Variants in MYH13 observed in about 807,000 individuals in gnomAD.
The protein encoded by MYH13 is myosin heavy chain 13, also known as myosin-13.
In MYH13, 177 loss-of-function variants were observed where a neutral mutation model predicts 232.1. The observed-to-expected ratio is 0.76, with a 90% CI of 0.67 to 0.86. The LOEUF is 0.86. Among genes scored for constraint, MYH13 ranks in the 40% least tolerant of loss-of-function variants. The pLI, the probability that MYH13 is intolerant of heterozygous loss-of-function variation, is 0.00. For synonymous variants in MYH13, 884 were observed against 923.5 expected (o/e 0.96, Z 0.78); for missense variants, 2,246 against 2,405.9 (o/e 0.93, Z 1.39).
In MYH13 at chr17:10,315,718, T is replaced by A. The variant is rs747038495; in HGVS notation, c.3959A>T (p.Lys1320Met). ...CTTGGTTTCTTCTTCCATTTGCCTC[T>A]TAAGCTCCTCCAGCTGCTGGGTGAG... ...QALTQQLEELKRQMEEETKAK... is the reference protein window; with the variant it reads ...QALTQQLEELMRQMEEETKAK... The change falls in exon 29 of 41, where the codon AAG (lysine) becomes ATG (methionine). Residue 1320 changes from lysine to methionine, a missense_variant. Transcript: ENST00000252172. 6.2e-7 allele frequency: 1 copy of A among 1,614,032 alleles called. No homozygotes were observed. Among genetic ancestry groups the A allele is most frequent in the South Asian group, 1.1e-5 (1 of 91,080 alleles).
intron 18 of MYH13, among the ~76,000 whole-genome samples, chr17:10,334,444 T>C (rs1907519180): frequency 6.6e-6 from 1 of 152,218 alleles, no homozygotes. Context: ...AAACTTTTCA[T>C]GTAAATGTAA....
At chr17:10,314,657 A>G (rs184338553) in intron 29 of MYH13, among the ~76,000 whole-genome samples, 48 of 152,306 alleles carry the variant, frequency 3.2e-4, no homozygotes, top group African/African-American at 1.1e-3. Context: ...GAGCTTGGGA[A>G]AATTCCAAAA....
At chr17:10,330,976 C>T (rs1907390698) in intron 20 of MYH13, among the ~76,000 whole-genome samples, 1 of 152,008 alleles carries the variant, frequency 6.6e-6, no homozygotes, top group South Asian at 2.1e-4. Flanking sequence ...GAGATTGCAC[C>T]ATTGCACTCC....
intron 26 of MYH13, among the ~76,000 whole-genome samples, 152 bp downstream of exon 26, chr17:10,320,001 T>C (rs572912734): frequency 6.6e-6 from 1 of 152,290 alleles, no homozygotes; most frequent in Admixed American, 6.5e-5. Context: ...CATTAAAATA[T>C]TATTTTCAAA....
chr17:10,322,202 C>T (rs372183611), intron 23 of MYH13, among the ~76,000 whole-genome samples: 6 of 151,098 alleles, frequency 4.0e-5, no homozygotes, highest in African/African-American at 9.7e-5. Flanking sequence ...ACCATCCTGA[C>T]TAACATCGTG....
chr17:10,340,211 G>A lies in MYH13; in HGVS notation c.1995C>T (p.Asn665=). 5 of 1,614,030 alleles carry A rather than the reference G, an allele frequency of 3.1e-6. No individual in the cohort carries two copies. Among genetic ancestry groups the A allele is most frequent in the Non-Finnish European group, 4.2e-6 (5 of 1,179,938 alleles). The change falls in exon 18 of 41, where the codon AAC becomes AAT. Residue 665 remains asparagine, a synonymous_variant. Transcript: ENST00000252172. ...FRENLNKLMT[N]LRSTHPHFVR... is the part of the protein sequence containing the mutation. ...CAAAGTGAGGGTGGGTGCTCCTTAA[G>A]TTAGTCATCAATTTGTTTAAATTTT...
In MYH13 at chr17:10,319,209, T is replaced by C. The variant is rs764850461; in HGVS notation, c.3349-30A>G. The C allele has an allele frequency of 5.6e-6, 9 of 1,596,608 alleles. No homozygotes were observed. In the Admixed American group the frequency reaches 1.0e-4, roughly 18 times the overall value. The stretch of plus-strand genomic sequence containing the variant: ...AAGGATTACTCTATCAGGAATGTTA[T>C]TGTGGAGGAGGGGGCAGCCCCCTTT... On this transcript the variant is annotated intron_variant, in intron 26 of 40. Transcript: ENST00000252172.
At position 10,307,203 on chromosome 17, in the gene MYH13, A is replaced by C. The variant is rs1347523947; in HGVS notation, c.5170-139T>G. 8.7e-6 allele frequency: 9 copies of C among 1,033,406 alleles called. No individual in the cohort carries two copies. The Admixed American group carries it at 2.7e-4, about 31-fold the overall frequency. 64.0% of individuals were successfully genotyped at this position (1,033,406 alleles called of 1,614,324 possible). A position where few individuals can be genotyped will look rare whatever the true frequency, so the allele number is the denominator to read the frequency against. ...TTCACATGGGTGACCTGCTGGGTAC[A>C]GTACTGTACATTCTTTCTTTATTCT... is the stretch of plus-strand genomic sequence containing the variant. On this transcript the variant is annotated intron_variant, in intron 35 of 40. Coordinates refer to ENST00000252172, the MANE Select transcript of MYH13 (RefSeq NM_003802.3).
At chr17:10,342,597 A>G (rs1410320134) in intron 16 of MYH13, among the ~76,000 whole-genome samples, 1 of 152,216 alleles carries the variant, frequency 6.6e-6, no homozygotes, top group East Asian at 1.9e-4. Flanking sequence ...ATATTCATAC[A>G]ATGAACTATT....
At chr17:10,335,066 A>G (rs1293717380) in intron 18 of MYH13, among the ~76,000 whole-genome samples, 3 of 152,072 alleles carry the variant, frequency 2.0e-5, no homozygotes, top group Admixed American at 1.3e-4. Flanking sequence ...CAATTTCTTT[A>G]TTTGTAAAAT....
intron 29 of MYH13, among the ~76,000 whole-genome samples, chr17:10,315,020 TC>T (rs1906650327): frequency 6.6e-6 from 1 of 152,010 alleles, no homozygotes; most frequent in Admixed American, 6.6e-5. Flanking sequence ...AGGTGACACA[TC>T]AGGAATAATG....
chr17:10,318,239 G>A (rs1339577869), intron 27 of MYH13, among the ~76,000 whole-genome samples: 1 of 152,194 alleles, frequency 6.6e-6, no homozygotes, highest in East Asian at 1.9e-4. Flanking sequence ...CGAAACAGTG[G>A]TGCCAGATCA....
rs1361418395 is a variant in MYH13, at chr17:10,362,460, G to A, written c.248C>T (p.Pro83Leu). Reference sequence around the variant, plus strand: ...CATGTCCTCGATCTTGTCAAATTTGGGAGGGTTCATGGGGAAGACCTGGTC... The same window carrying A: ...CATGTCCTCGATCTTGTCAAATTTGAGAGGGTTCATGGGGAAGACCTGGTC... The part of the protein sequence containing the change: ...NNDQVFPMNP[P>L]KFDKIEDMAM... Residue 83 changes from proline to leucine, a missense_variant, in exon 4 of 41, where the codon CCC becomes CTC. Physicochemically the swap from Pro to Leu is moderately conservative, Grantham distance 98. Transcript: ENST00000252172. The A allele has an allele frequency of 4.3e-6, 7 of 1,614,140 alleles. No homozygotes were observed. Among genetic ancestry groups the A allele is most frequent in the Non-Finnish European group, 5.9e-6 (7 of 1,180,030 alleles).
At chr17:10,303,340 C>A in intron 38 of MYH13, 49 bp from the exon 39 acceptor site, 1 of 1,612,744 alleles carries the variant, frequency 6.2e-7, no homozygotes, top group Non-Finnish European at 8.5e-7. Context: ...ATGGTCACTT[C>A]TGATGGGGCT....
At chr17:10,357,639 C>A (rs1047850961) in intron 8 of MYH13, 96 bp downstream of exon 8, 3 of 1,072,872 alleles carry the variant, frequency 2.8e-6, no homozygotes, top group Non-Finnish European at 4.2e-6. Context: ...AAAAAGGCCC[C>A]CATATATTCC....
chr17:10,305,643 C>A (rs1045402272), intron 37 of MYH13, among the ~76,000 whole-genome samples: 1 of 152,134 alleles, frequency 6.6e-6, no homozygotes, highest in Non-Finnish European at 1.5e-5. Context: ...AAGAGACATT[C>A]GAACAGCCTC....
chr17:10,354,492 C>G (rs2071733318), intron 11 of MYH13, among the ~76,000 whole-genome samples, 188 bp downstream of exon 11: 1 of 152,136 alleles, frequency 6.6e-6, no homozygotes, highest in African/African-American at 2.4e-5. Context: ...TTTTGGAATG[C>G]TGTGAGGTGG....
rs984547873 is a variant in MYH13, at chr17:10,333,169, G to A, written c.2079C>T (p.Val693=). Residue 693 remains valine, a synonymous_variant, in exon 19 of 41, where the codon GTC becomes GTT. Transcript: ENST00000252172. ...CCCCGTTACAGCGCAGCTGGTGCAT[G>A]ACCAAGTAGTGGTCCATCACACCTG... is the stretch of plus-strand genomic sequence containing the variant. ...KTPGVMDHYL[V]MHQLRCNGVL... The A allele has an allele frequency of 1.0e-5, 16 of 1,551,162 alleles. No homozygotes were observed. In the Admixed American group the frequency reaches 2.5e-4, roughly 25 times the overall value.
intron 27 of MYH13, 138 bp downstream of exon 27, chr17:10,318,652 T>A: frequency 8.6e-7 from 1 of 1,167,994 alleles, no homozygotes. Flanking sequence ...TTTGAGGAAC[T>A]AGAAACAGGC....
Sources: allele counts gnomAD v4.1 joint callset (sites outside exome capture counted in the v4.1 genomes callset), GRCh38; gene constraint gnomAD v4.1.1; transcripts MANE v1.5; gene names NCBI Gene and HGNC (gene_info 2026-07-23, HGNC 2026-07-21).